AGBL1: variants seen among roughly 807,000 people sequenced by gnomAD.
AGBL1 encodes AGBL carboxypeptidase 1, also known as cytosolic carboxypeptidase 4.
Under a neutral mutation model 118.9 loss-of-function variants are expected in AGBL1, and 130 were observed. The observed-to-expected ratio is 1.09, with a 90% CI of 0.95 to 1.26. The LOEUF is 1.26. AGBL1 is among the 50% of genes most tolerant of loss of function. The pLI is 0.00. For synonymous variants in AGBL1, 555 were observed against 478.9 expected, an observed-to-expected ratio of 1.16 and a Z score of -2.08; for missense variants, 1,584 against 1,298.1, an observed-to-expected ratio of 1.22 and a Z score of -3.38.
chr15:86,451,376 T>C (rs1239992946), intron 18 of AGBL1, among the ~76,000 whole-genome samples: 2 of 152,226 alleles, frequency 1.3e-5, no homozygotes, highest in Admixed American at 1.3e-4. Context: ...TGCATTCTTA[T>C]ATACCCATAA....
intron 23 of AGBL1, among the ~76,000 whole-genome samples, chr15:86,969,720 A>G (rs918189494): frequency 6.6e-6 from 1 of 152,010 alleles, no homozygotes; most frequent in Admixed American, 6.6e-5. Flanking sequence ...TTGAATTTGC[A>G]TAGATTTCTG....
At chr15:86,820,480 A>C (rs989584936) in intron 22 of AGBL1, among the ~76,000 whole-genome samples, 1 of 152,126 alleles carries the variant, frequency 6.6e-6, no homozygotes, top group Non-Finnish European at 1.5e-5. Context: ...ACTTAAACAA[A>C]TTTACATGAA....
chr15:86,801,457 T>C (rs1346515655), intron 22 of AGBL1, among the ~76,000 whole-genome samples: 1 of 152,002 alleles, frequency 6.6e-6, no homozygotes, highest in Non-Finnish European at 1.5e-5. Context: ...TTCTAGTTTA[T>C]TAATATTTTA....
At chr15:86,469,184 A>G (rs2082445262) in intron 18 of AGBL1, among the ~76,000 whole-genome samples, 2 of 152,196 alleles carry the variant, frequency 1.3e-5, no homozygotes, top group African/African-American at 4.8e-5. Context: ...GAACTTACTC[A>G]TACTGTCTAA....
chr15:86,715,903 C>CA (rs1308174228), intron 22 of AGBL1, among the ~76,000 whole-genome samples: 2 of 151,510 alleles, frequency 1.3e-5, no homozygotes, highest in African/African-American at 4.9e-5. Context: ...CTAAAAAATA[C>CA]AAAAAATTAG....
intron 24 of AGBL1, among the ~76,000 whole-genome samples, chr15:87,011,446 T>C (rs1400101104): frequency 6.6e-6 from 1 of 152,228 alleles, no homozygotes; most frequent in Non-Finnish European, 1.5e-5. Flanking sequence ...AACAGCTAAA[T>C]TTATGTATAC....
chr15:86,515,408 A>G (rs377287185), intron 18 of AGBL1, among the ~76,000 whole-genome samples: 1 of 152,250 alleles, frequency 6.6e-6, no homozygotes, highest in Non-Finnish European at 1.5e-5. Context: ...CACGCACAGT[A>G]TCTATCAATT....
chr15:86,545,579 CGT>C (rs2083568789), intron 19 of AGBL1, among the ~76,000 whole-genome samples: 1 of 151,970 alleles, frequency 6.6e-6, no homozygotes, highest in African/African-American at 2.4e-5. Context: ...AATGCCCCAG[CGT>C]GTGTGTTTTT....
chr15:86,840,412 T>C (rs2079228573), intron 22 of AGBL1, among the ~76,000 whole-genome samples: 1 of 152,138 alleles, frequency 6.6e-6, no homozygotes, highest in African/African-American at 2.4e-5. Flanking sequence ...CAACCCAGGA[T>C]GCTCTGTCCA....
At chr15:86,151,525 T>C (rs1479889375) in intron 3 of AGBL1, among the ~76,000 whole-genome samples, 2 of 152,098 alleles carry the variant, frequency 1.3e-5, no homozygotes, top group Non-Finnish European at 2.9e-5. Context: ...GGAACATATC[T>C]CAAAATAATC....
chr15:86,926,179 A>G (rs968608394), intron 23 of AGBL1, among the ~76,000 whole-genome samples: 1 of 151,938 alleles, frequency 6.6e-6, no homozygotes, highest in African/African-American at 2.4e-5. Context: ...TCTTCTCTTT[A>G]GGTCTGTAAG....
intron 18 of AGBL1, among the ~76,000 whole-genome samples, chr15:86,496,631 A>T (rs542565135): frequency 1.2e-4 from 18 of 151,804 alleles, no homozygotes; most frequent in Non-Finnish European, 1.6e-4. Flanking sequence ...CCTTCCTTGG[A>T]TTATACACTT....
At chr15:86,979,823 C>T (rs759632172) in intron 23 of AGBL1, among the ~76,000 whole-genome samples, 7 of 152,106 alleles carry the variant, frequency 4.6e-5, no homozygotes, top group Non-Finnish European at 8.8e-5. Flanking sequence ...TCTTGAAGAA[C>T]TTGAAACCAT....
At chr15:86,972,514 T>C (rs2081118823) in intron 23 of AGBL1, among the ~76,000 whole-genome samples, 1 of 152,048 alleles carries the variant, frequency 6.6e-6, no homozygotes. Context: ...TAACTTCTGA[T>C]TTGAAAATAA....
chr15:86,529,869 G>A (rs1168062616), intron 19 of AGBL1, among the ~76,000 whole-genome samples: 9 of 143,900 alleles, frequency 6.3e-5, no homozygotes, highest in South Asian at 2.2e-4. Flanking sequence ...AGCTTCATAA[G>A]TGAAGGAGAA....
intron 5 of AGBL1, among the ~76,000 whole-genome samples, chr15:86,188,904 A>C (rs939579170): frequency 6.6e-6 from 1 of 152,192 alleles, no homozygotes; most frequent in Non-Finnish European, 1.5e-5. Flanking sequence ...TGTAAAACAG[A>C]TTTATATGCT....
At chr15:86,528,830 A>ACC (rs534383178) in intron 19 of AGBL1, among the ~76,000 whole-genome samples, 1 of 19,572 alleles carries the variant, frequency 5.1e-5, no homozygotes, top group African/African-American at 3.4e-4. Context: ...ACTGGGAGGC[A>ACC]CCCCCCAGCA....
chr15:86,319,905 C>T (rs553641539), intron 17 of AGBL1, among the ~76,000 whole-genome samples: 13 of 151,680 alleles, frequency 8.6e-5, no homozygotes, highest in Middle Eastern at 6.9e-3. Context: ...TACAGGCACC[C>T]GCCACCACAT....
intron 15 of AGBL1, among the ~76,000 whole-genome samples, chr15:86,273,365 A>T (rs1252286970): frequency 6.6e-6 from 1 of 152,222 alleles, no homozygotes; most frequent in Non-Finnish European, 1.5e-5. Flanking sequence ...AATATAATTC[A>T]TTTTTCATAT....
Sources: gnomAD v4.1 joint callset for allele counts (sites outside exome capture counted in the v4.1 genomes callset) on GRCh38, gnomAD v4.1.1 for gene constraint, MANE v1.5 for transcripts, NCBI Gene and HGNC (gene_info 2026-07-23, HGNC 2026-07-21) for gene names.